SCN2A: variants seen among roughly 807,000 people sequenced by gnomAD.
The protein encoded by SCN2A is sodium voltage-gated channel alpha subunit 2, also known as sodium channel protein type 2 subunit alpha.
In SCN2A, 20 loss-of-function variants were observed where a neutral mutation model predicts 188.7. The observed-to-expected ratio is 0.11, with a 90% CI of 0.07 to 0.15. The LOEUF is 0.15. SCN2A is among the 10% of genes least tolerant of loss of function. The pLI, the probability that SCN2A is intolerant of heterozygous loss-of-function variation, is 1.00. For synonymous variants in SCN2A, 804 were observed against 833.1 expected, an observed-to-expected ratio of 0.97 and a Z score of 0.60; for missense variants, 1,278 against 2,445.0, an observed-to-expected ratio of 0.52 and a Z score of 10.07.
intron 23 of SCN2A, among the ~76,000 whole-genome samples, chr2:165,380,076 C>T (rs926833880): frequency 2.0e-5 from 3 of 151,748 alleles, no homozygotes; most frequent in Non-Finnish European, 4.4e-5. Flanking sequence ...TATACCAAAC[C>T]CTTACACTTA....
At chr2:165,369,362 G>A (rs1700904549) in intron 19 of SCN2A, among the ~76,000 whole-genome samples, 1 of 152,206 alleles carries the variant, frequency 6.6e-6, no homozygotes, top group African/African-American at 2.4e-5. Context: ...TGCTGGCACA[G>A]TGGCTGGCTC....
At chr2:165,386,618 AATGTTGTG>A (rs1701887431) in intron 25 of SCN2A, 120 bp from the exon 26 acceptor site, 1 of 993,950 alleles carries the variant, frequency 1.0e-6, no homozygotes, top group African/African-American at 1.6e-5. Context: ...TTTTTTGTAA[AATGTTGTG>A]AGGATTAAAG....
At chr2:165,296,182 C>G (rs1317687855) in intron 2 of SCN2A, 92 bp downstream of exon 2, 1 of 1,223,530 alleles carries the variant, frequency 8.2e-7, no homozygotes, top group East Asian at 2.3e-5. Flanking sequence ...TGGCCTCCTT[C>G]CCTCTGTCTA....
At chr2:165,348,056 G>A (rs1699693110) in intron 16 of SCN2A, among the ~76,000 whole-genome samples, 1 of 152,088 alleles carries the variant, frequency 6.6e-6, no homozygotes, top group African/African-American at 2.4e-5. Flanking sequence ...ACCATAACAA[G>A]TAATTTAATG....
intron 25 of SCN2A, among the ~76,000 whole-genome samples, chr2:165,383,704 C>T (rs1701722468): frequency 6.6e-6 from 1 of 152,110 alleles, no homozygotes; most frequent in Non-Finnish European, 1.5e-5. Context: ...TGTGAGCTAT[C>T]ACCAGAGTGA....
intron 1 of SCN2A, among the ~76,000 whole-genome samples, chr2:165,291,837 G>A (rs1696221027): frequency 6.6e-6 from 1 of 151,846 alleles, no homozygotes; most frequent in Non-Finnish European, 1.5e-5. Flanking sequence ...CGTGTTTCAA[G>A]GCTACAGCAT....
At position 165,389,983 on chromosome 2, in the gene SCN2A, G is replaced by T. The variant is rs190949392; in HGVS notation, c.*159G>T. The T allele has an allele frequency of 8.1e-7, 1 of 1,238,010 alleles. No individual in the cohort carries two copies. Among genetic ancestry groups the T allele is most frequent in the South Asian group, 1.6e-5 (1 of 63,500 alleles). 76.7% of individuals were successfully genotyped at this position (1,238,010 alleles called of 1,614,324 possible). A position where few individuals can be genotyped will look rare whatever the true frequency, so the allele number is the denominator to read the frequency against. ...TGCCTATAACAAGACAGAGACCTCTGGTCAGCAAACTGGAACTCAGTAAAC... is the reference window on the plus strand; with the variant it reads ...TGCCTATAACAAGACAGAGACCTCTTGTCAGCAAACTGGAACTCAGTAAAC... On this transcript the variant is annotated 3_prime_UTR_variant, in exon 27 of 27. Coordinates refer to ENST00000375437, the MANE Select transcript of SCN2A (RefSeq NM_001040142.2). This position sits in a 1 kb window ranked among gnomAD's most constrained non-coding sequence, Gnocchi z 4.2.
At chr2:165,339,454 T>C (rs1699190900) in intron 14 of SCN2A, among the ~76,000 whole-genome samples, 1 of 151,876 alleles carries the variant, frequency 6.6e-6, no homozygotes, top group South Asian at 2.1e-4. Flanking sequence ...AATATTGAAA[T>C]GTGGTAAATT....
chr2:165,330,141 A>C (rs1698598011), intron 13 of SCN2A, among the ~76,000 whole-genome samples: 1 of 152,198 alleles, frequency 6.6e-6, no homozygotes. Context: ...CCAGATATGG[A>C]CAGATGTTCC....
At chr2:165,298,395 C>A (rs1696620010) in intron 3 of SCN2A, among the ~76,000 whole-genome samples, 1 of 152,140 alleles carries the variant, frequency 6.6e-6, no homozygotes, top group Admixed American at 6.5e-5. Context: ...CCTAGACTTG[C>A]CTCCCAGTAT....
At chr2:165,314,334 T>A (rs1697612942) in intron 10 of SCN2A, among the ~76,000 whole-genome samples, 1 of 152,166 alleles carries the variant, frequency 6.6e-6, no homozygotes, top group Non-Finnish European at 1.5e-5. Flanking sequence ...ATTGCTTTAC[T>A]GACATTTTTT....
At chr2:165,380,786 CT>C (rs1179017658) in intron 24 of SCN2A, 57 bp downstream of exon 24, 1 of 1,363,940 alleles carries the variant, frequency 7.3e-7, no homozygotes, top group Non-Finnish European at 1.0e-6. Flanking sequence ...ATTTCATACT[CT>C]TTCCTTTAGC....
chr2:165,347,399 A>C (rs1432035287), intron 16 of SCN2A, among the ~76,000 whole-genome samples: 3 of 151,952 alleles, frequency 2.0e-5, no homozygotes, highest in Admixed American at 6.5e-5. Flanking sequence ...CAATGAGAAC[A>C]CATGGACACA....
chr2:165,265,674 T>C (rs1343718083), intron 1 of SCN2A, among the ~76,000 whole-genome samples: 1 of 150,486 alleles, frequency 6.6e-6, no homozygotes, highest in Non-Finnish European at 1.5e-5. Context: ...GAAAATCCAT[T>C]CATTTTTTAT....
chr2:165,293,375 G>A (rs1333739073), intron 1 of SCN2A, among the ~76,000 whole-genome samples: 1 of 152,104 alleles, frequency 6.6e-6, no homozygotes, highest in East Asian at 1.9e-4. Context: ...GTCATTGTGT[G>A]TACCTCATAG....
intron 11 of SCN2A, among the ~76,000 whole-genome samples, chr2:165,317,488 C>A (rs1697823930): frequency 6.6e-6 from 1 of 151,818 alleles, no homozygotes; most frequent in Non-Finnish European, 1.5e-5. Context: ...TAAGTTTTGG[C>A]CAAAATTTGC....
At chr2:165,290,950 A>G (rs947640086) in intron 1 of SCN2A, among the ~76,000 whole-genome samples, 6 of 151,226 alleles carry the variant, frequency 4.0e-5, no homozygotes, top group African/African-American at 1.5e-4. Context: ...TCTGTCCAGC[A>G]TTAATTTCCC....
At chr2:165,327,203 G>C in intron 13 of SCN2A, 1 of 520,222 alleles carries the variant, frequency 1.9e-6, no homozygotes, top group Non-Finnish European at 3.4e-6. Context: ...CAAATGTAAG[G>C]TATATTTTGA....
rs1559340877 is a variant in SCN2A, at chr2:165,291,601, T to TCTCTCTC, written c.-51-4172_-51-4171insCTCTCTC. On this transcript the variant is annotated intron_variant, in intron 1 of 26. Transcript: ENST00000375437. Reference sequence around the variant, plus strand: ...TCTCTCTCTCTCTCTCTCTCTCTCTTTCTTTCTTTGTCTTGCTCTATCTCC... The same window carrying TCTCTCTC: ...TCTCTCTCTCTCTCTCTCTCTCTCTTCTCTCTCTCTTTCTTTGTCTTGCTCTATCTCC... 4.8e-4 allele frequency among the ~76,000 whole-genome samples: 42 copies of TCTCTCTC among 86,702 alleles called. 1 individual carries two copies. Among genetic ancestry groups the TCTCTCTC allele is most frequent in the African/African-American group, 1.4e-3 (39 of 27,554 alleles). The allele number at this position is 86,702 out of a possible 152,430, so 56.9% of individuals were successfully genotyped here. A position where few individuals can be genotyped will look rare whatever the true frequency, so the allele number is the denominator to read the frequency against.
Sources: gnomAD v4.1 joint callset for allele counts (sites outside exome capture counted in the v4.1 genomes callset) on GRCh38, gnomAD v4.1.1 for gene constraint, Gnocchi (gnomAD v3.1) non-coding constraint, MANE v1.5 for transcripts, NCBI Gene and HGNC (gene_info 2026-07-23, HGNC 2026-07-21) for gene names.